Variants in SMC1A observed in about 807,000 individuals in gnomAD.
SMC1A encodes structural maintenance of chromosomes protein 1A.
SMC1A carries 4 observed loss-of-function variants against 94.5 expected under a neutral mutation model. The ratio of observed to expected loss-of-function variants is 0.04; its 90% confidence interval spans 0.02 to 0.10. The LOEUF is 0.10. Among genes scored for constraint, SMC1A ranks in the 10% least tolerant of loss-of-function variants. The probability of loss-of-function intolerance (pLI) is 1.00; values close to 1 mark genes in which losing one functional copy is unlikely to be tolerated. For missense variants in SMC1A, 304 were observed against 989.0 expected (o/e 0.31, Z 9.29); for synonymous variants, 345 against 347.7 (o/e 0.99, Z 0.09).
intron 16 of SMC1A, among the ~76,000 whole-genome samples, chrX:53,397,008 A>AT (rs2075653679): frequency 9.1e-6 from 1 of 109,300 alleles, no homozygotes; most frequent in Admixed American, 9.8e-5. Context: ...ATATTTGAGC[A>AT]TTTTTTTCTA....
At chrX:53,381,117 C>T in intron 22 of SMC1A, 30 bp from the exon 23 acceptor site, 1 of 759,359 alleles carries the variant, frequency 1.3e-6, no homozygotes, top group Non-Finnish European at 1.9e-6. Context: ...TGAGCTGACA[C>T]TGAGGCGGGG....
At chrX:53,403,945 A>G (rs782244972) in intron 13 of SMC1A, 52 bp from the exon 14 acceptor site, 4 of 901,216 alleles carry the variant, frequency 4.4e-6, no homozygotes, top group East Asian at 3.1e-5. Context: ...TTGGAGAAAA[A>G]GCTACCTTGA....
chrX:53,375,933 CCTAG>C lies in SMC1A; in HGVS notation c.*4166_*4169del, dbSNP rs1212624370. 8.9e-6 allele frequency: 1 copy of C among 112,503 alleles called. No homozygotes were observed. The highest frequency in any genetic ancestry group is 2.8e-4 in the East Asian group (1 of 3,570). 9.3% of individuals were successfully genotyped at this position (112,503 alleles called of 1,213,427 possible). On this transcript the variant is annotated 3_prime_UTR_variant, in exon 25 of 25. Transcript: ENST00000322213. ...AGGCCTCCTGGTCTTTTTCCAGTCT[CCTAG>C]CTAATCTTGTCATCTCCATTCGCTC...
chrX:53,411,013 T>G (rs1420753977), intron 7 of SMC1A, among the ~76,000 whole-genome samples: 3 of 104,319 alleles, frequency 2.9e-5, no homozygotes, highest in African/African-American at 1.1e-4. Flanking sequence ...GAAGATTGCT[T>G]AAGCCTGGGA....
At chrX:53,416,316 A>AT (rs1335803888) in intron 1 of SMC1A, among the ~76,000 whole-genome samples, 1 of 106,367 alleles carries the variant, frequency 9.4e-6, no homozygotes, top group African/African-American at 3.4e-5. Flanking sequence ...AAAAAAAAAT[A>AT]AAATAAAATA....
At chrX:53,395,592 G>T (rs902703111) in intron 18 of SMC1A, among the ~76,000 whole-genome samples, 3 of 111,819 alleles carry the variant, frequency 2.7e-5, no homozygotes, top group African/African-American at 9.7e-5. Context: ...TGAGGAGGGA[G>T]AAAGATACAT....
At chrX:53,408,742 C>T (rs186994793) in intron 9 of SMC1A, among the ~76,000 whole-genome samples, 1 of 109,319 alleles carries the variant, frequency 9.1e-6, no homozygotes, top group African/African-American at 3.3e-5. Context: ...TTTCCAATTC[C>T]CCTCCCAGAG....
At position 53,405,005 on chromosome X, in the gene SMC1A, G is replaced by T; in HGVS notation, c.2196+7C>A. ...TTTGGAGAACAGGGCTGAAGGCCAGGCCCCACCTGCAGATTCAGGGCTAGA... is the reference window on the plus strand; with the variant it reads ...TTTGGAGAACAGGGCTGAAGGCCAGTCCCCACCTGCAGATTCAGGGCTAGA... On this transcript the variant is annotated splice_region_variant and intron_variant, in intron 13 of 24. Transcript: ENST00000322213. 1 of 1,195,061 alleles carries T rather than the reference G, an allele frequency of 8.4e-7. No homozygotes were observed. The highest frequency in any genetic ancestry group is 1.1e-6 in the Non-Finnish European group (1 of 887,790).
At position 53,379,914 on chromosome X, in the gene SMC1A, T is replaced by A; in HGVS notation, c.*189A>T. 2.2e-6 allele frequency: 1 copy of A among 461,763 alleles called. No homozygotes were observed. Among genetic ancestry groups the A allele is most frequent in the Non-Finnish European group, 3.9e-6 (1 of 258,816 alleles). The allele number at this position is 461,763 out of a possible 1,213,427, so 38.1% of individuals were successfully genotyped here. On this transcript the variant is annotated 3_prime_UTR_variant, in exon 25 of 25. Coordinates refer to ENST00000322213, the MANE Select transcript of SMC1A (RefSeq NM_006306.4). ...CTTTCAGAGGCCAGAATACTCCCTGTCGTTCAGGAATTTTTGCTCCAGACC... is the reference window on the plus strand; with the variant it reads ...CTTTCAGAGGCCAGAATACTCCCTGACGTTCAGGAATTTTTGCTCCAGACC...
intron 15 of SMC1A, among the ~76,000 whole-genome samples, chrX:53,402,009 T>C (rs143528700): frequency 1.8e-3 from 198 of 110,981 alleles, no homozygotes; most frequent in African/African-American, 6.2e-3. Flanking sequence ...TTCCTGTTGT[T>C]GATTTGCAGT....
chrX:53,421,860 C>T (rs1194680142), intron 1 of SMC1A: 8 of 978,252 alleles, frequency 8.2e-6, no homozygotes, highest in Non-Finnish European at 1.1e-5. Flanking sequence ...TTGACGGTTT[C>T]GGTGGTAGGA....
chrX:53,412,272 G>A lies in SMC1A; in HGVS notation c.855-19C>T, dbSNP rs782599094. ...CTTCTCCCTTTTGCCAGAGGGGTGG[G>A]GGAAACCAGTGAGAACTATGGAAGA... On this transcript the variant is annotated intron_variant, in intron 5 of 24. Transcript: ENST00000322213. The A allele has an allele frequency of 9.9e-6, 12 of 1,209,217 alleles. No individual in the cohort carries two copies. Among genetic ancestry groups the A allele is most frequent in the Non-Finnish European group, 1.3e-5 (12 of 893,520 alleles).
At position 53,421,956 on chromosome X, in the gene SMC1A, G is replaced by A. The variant is rs191162262; in HGVS notation, c.109+536C>T. The A allele has an allele frequency of 6.0e-4, 724 of 1,208,127 alleles. 5 individuals carry two copies. The African/African-American group carries it at 0.011, about 19-fold the overall frequency. ...CAAGCATTCTAAAGACTGGAGCGCT[G>A]GGTCTGAAATTCAAAAGTGCCGCCT... is the stretch of plus-strand genomic sequence containing the variant. On this transcript the variant is annotated intron_variant, in intron 1 of 24. Coordinates refer to ENST00000322213, the MANE Select transcript of SMC1A (RefSeq NM_006306.4).
intron 7 of SMC1A, among the ~76,000 whole-genome samples, chrX:53,410,141 A>C (rs1376490122): frequency 9.0e-6 from 1 of 111,548 alleles, no homozygotes; most frequent in East Asian, 2.8e-4. Flanking sequence ...AGTAAAGTAT[A>C]TTTGGTAAGA....
chrX:53,383,010 A>G, intron 20 of SMC1A, 87 bp downstream of exon 20: 1 of 914,744 alleles, frequency 1.1e-6, no homozygotes. Flanking sequence ...ATGTCAGAAC[A>G]GGAACTGCTG....
Position 53,396,295 on chromosome X carries a change from C to A in SMC1A, c.2794G>T (p.Ala932Ser), listed in dbSNP as rs369625058. 8.3e-7 allele frequency: 1 copy of A among 1,209,111 alleles called. No homozygotes were observed. The highest frequency in any genetic ancestry group is 1.8e-5 in the African/African-American group (1 of 57,079). The change falls in exon 18 of 25, where the codon GCC (alanine) becomes TCC (serine). Residue 932 changes from alanine (A) to serine (S), a missense_variant. Ala to Ser is a moderately conservative substitution (Grantham distance 99). Around this residue, in one of 11 missense-constraint regions of SMC1A, gnomAD observed 35 missense variants for 95.4 expected, o/e 0.37. Transcript: ENST00000322213. ...AACTTAATGTCCTGCATCTTACAGGCCTGTAGCAAGTTGTGACGGTCACTG... is the reference window on the plus strand; with the variant it reads ...AACTTAATGTCCTGCATCTTACAGGACTGTAGCAAGTTGTGACGGTCACTG... ...KRSDRHNLLQ[A>S]CKMQDIKLPL...
At chrX:53,409,724 A>C (rs1348641748) in intron 7 of SMC1A, among the ~76,000 whole-genome samples, 1 of 111,092 alleles carries the variant, frequency 9.0e-6, no homozygotes, top group African/African-American at 3.3e-5. Flanking sequence ...AACCTCTCAT[A>C]GGTGTTCTAC....
At chrX:53,420,309 A>G (rs925511280) in intron 1 of SMC1A, among the ~76,000 whole-genome samples, 1 of 111,337 alleles carries the variant, frequency 9.0e-6, no homozygotes, top group Non-Finnish European at 1.9e-5. Context: ...AGATCACTTG[A>G]GCCCAGGAGT....
chrX:53,391,260 G>A (rs1383296679), intron 19 of SMC1A, among the ~76,000 whole-genome samples: 1 of 110,323 alleles, frequency 9.1e-6, no homozygotes, highest in East Asian at 2.9e-4. Context: ...AGGCTGCAGT[G>A]AGCTGAGATC....
Sources: gnomAD v4.1 joint callset for allele counts (sites outside exome capture counted in the v4.1 genomes callset) on GRCh38, gnomAD v4.1.1 for gene constraint, gnomAD v4.1.1 regional missense constraint, MANE v1.5 for transcripts, NCBI Gene and HGNC (gene_info 2026-07-23, HGNC 2026-07-21) for gene names.